The following VLDLR variants were observed in gnomAD, a reference collection of about 807,000 sequenced individuals.
The protein encoded by VLDLR is very low density lipoprotein receptor, also known as very low-density lipoprotein receptor.
A neutral mutation model predicts 112.7 loss-of-function variants in VLDLR; 81 were observed. That is an observed-to-expected ratio of 0.72 (90% confidence interval 0.60 to 0.86). The LOEUF (loss-of-function observed/expected upper bound fraction) is 0.86, where lower values mean the gene tolerates loss of function less well. Among genes scored for constraint, VLDLR ranks in the 40% least tolerant of loss-of-function variants. The pLI is 0.00. For synonymous variants in VLDLR, 436 were observed against 384.8 expected, an observed-to-expected ratio of 1.13 and a Z score of -1.56; for missense variants, 1,237 against 1,099.4, an observed-to-expected ratio of 1.13 and a Z score of -1.77.
intron 1 of VLDLR, among the ~76,000 whole-genome samples, chr9:2,625,791 C>T (rs1201078762): frequency 2.0e-5 from 3 of 152,104 alleles, no homozygotes; most frequent in Non-Finnish European, 4.4e-5. Flanking sequence ...AGGTTATGGG[C>T]GAGATATACT....
chr9:2,643,422 C>T lies in VLDLR; in HGVS notation c.711C>T (p.Thr237=), dbSNP rs781637501. Residue 237 remains threonine, a synonymous_variant, in exon 5 of 19, where the codon ACC becomes ACT. Coordinates refer to ENST00000382100, the MANE Select transcript of VLDLR (RefSeq NM_003383.5). The part of the protein sequence containing the change: ...EQCGRQPVIH[T]KCPASEIQCG... ...GTGGCCGTCAGCCAGTCATACACAC[C>T]AAGTGTCCAGCCAGCGAAATCCAGT... 8 of 1,614,034 alleles carry T rather than the reference C, an allele frequency of 5.0e-6. No homozygotes were observed. In the African/African-American group the frequency reaches 5.3e-5, roughly 11 times the overall value.
Position 2,640,728 on chromosome 9 carries a change from A to G in VLDLR, c.326-649A>G, listed in dbSNP as rs181068916. Among the ~76,000 whole-genome samples, 107 of 152,314 alleles carry G rather than the reference A, an allele frequency of 7.0e-4. 2 individuals are homozygous for G. The East Asian group carries it at 0.019, about 26-fold the overall frequency. ...AAAGTGTGATTATGAAAGAAAATCA[A>G]ATAGAAAGGAAGATAAGGCTGTTAC... On this transcript the variant is annotated intron_variant, in intron 3 of 18. Coordinates refer to ENST00000382100, the MANE Select transcript of VLDLR (RefSeq NM_003383.5).
chr9:2,648,538 T>G, intron 13 of VLDLR, 131 bp from the exon 14 acceptor site: 1 of 1,535,410 alleles, frequency 6.5e-7, no homozygotes, highest in Non-Finnish European at 9.0e-7. Flanking sequence ...TCTTTTACAG[T>G]TTTATATCCA....
In VLDLR at chr9:2,654,013, T is replaced by G; in HGVS notation, c.*145T>G. ...CTTTGCGTGGATCAAGCTTGTGTAC[T>G]TGACCGTTTTTATATTACTTTTGTA... On this transcript the variant is annotated 3_prime_UTR_variant, in exon 19 of 19. Coordinates refer to ENST00000382100, the MANE Select transcript of VLDLR (RefSeq NM_003383.5). The G allele has an allele frequency of 1.3e-6, 1 of 763,382 alleles. No individual in the cohort carries two copies. The highest frequency in any genetic ancestry group is 1.6e-5 in the South Asian group (1 of 63,588). The allele number at this position is 763,382 out of a possible 1,614,324, so 47.3% of individuals were successfully genotyped here.
chr9:2,632,912 A>C (rs993275851), intron 1 of VLDLR, among the ~76,000 whole-genome samples: 2 of 152,178 alleles, frequency 1.3e-5, no homozygotes, highest in Non-Finnish European at 2.9e-5. Context: ...GCCTGTCTTT[A>C]AAGAGTCCTT....
chr9:2,650,452 T>C lies in VLDLR; in HGVS notation c.2187T>C (p.Ser729=), dbSNP rs778071678. 6.2e-7 allele frequency: 1 copy of C among 1,614,096 alleles called. No individual in the cohort carries two copies. Among genetic ancestry groups the C allele is most frequent in the Non-Finnish European group, 8.5e-7 (1 of 1,180,028 alleles). ...CAGCACCACAGATTAATGATCACTC[T>C]CCAAAATATACCTGTTCCTGTCCCA... The part of the protein sequence containing the change: ...CLPAPQINDH[S]PKYTCSCPSG... The change falls in exon 15 of 19, where the codon TCT becomes TCC. Residue 729 remains serine (S), a synonymous_variant. Transcript: ENST00000382100.
In VLDLR at chr9:2,622,229, G is replaced by C. The variant is rs1261270738; in HGVS notation, c.40G>C (p.Ala14Pro). The change falls in exon 1 of 19, where the codon GCG (alanine) becomes CCG (proline). Residue 14 changes from alanine to proline, a missense_variant. Ala to Pro is a conservative substitution (Grantham distance 27, BLOSUM62 -1). Coordinates refer to ENST00000382100, the MANE Select transcript of VLDLR (RefSeq NM_003383.5). ...GCTCTGGGCGCTCTGGCTGCTGCTC[G>C]CGCTGTGCTGGGCGCCCCGGGAGAG... ...SALWALWLLL[A>P]LCWAPRESGA... 6.6e-7 allele frequency: 1 copy of C among 1,506,294 alleles called. No homozygotes were observed. Among genetic ancestry groups the C allele is most frequent in the Non-Finnish European group, 8.8e-7 (1 of 1,134,418 alleles). The allele number at this position is 1,506,294 out of a possible 1,614,324, so 93.3% of individuals were successfully genotyped here. A position where few individuals can be genotyped will look rare whatever the true frequency, so the allele number is the denominator to read the frequency against.
In VLDLR at chr9:2,624,839, C is replaced by G. The variant is rs529270497; in HGVS notation, c.82+2568C>G. Among the ~76,000 whole-genome samples the G allele has an allele frequency of 2.0e-5, 3 of 152,328 alleles. No homozygotes were observed. In the East Asian group the frequency reaches 5.8e-4, roughly 29 times the overall value. ...GACTGCGTAAAGGAAGGTCACCAGC[C>G]AAGCCCTCCTTGGCAGTAACAGCTT... is the stretch of plus-strand genomic sequence containing the variant. On this transcript the variant is annotated intron_variant, in intron 1 of 18. Coordinates refer to ENST00000382100, the MANE Select transcript of VLDLR (RefSeq NM_003383.5).
intron 1 of VLDLR, among the ~76,000 whole-genome samples, chr9:2,627,661 G>A (rs770083396): frequency 6.6e-6 from 1 of 152,000 alleles, no homozygotes; most frequent in East Asian, 1.9e-4. Flanking sequence ...TCAGGAGTTC[G>A]AGACCAGCCT....
chr9:2,644,516 A>G (rs1817982059), intron 7 of VLDLR, among the ~76,000 whole-genome samples: 2 of 151,940 alleles, frequency 1.3e-5, no homozygotes, highest in Admixed American at 1.3e-4. Flanking sequence ...GATCATCAAT[A>G]GAGAAACTTG....
rs751621629 is a variant in VLDLR at position 2,659,237 on chromosome 9, C to T, written c.*5369C>T. The T allele has an allele frequency of 9.9e-5, 15 of 152,230 alleles. No homozygotes were observed. The highest frequency in any genetic ancestry group is 4.6e-4 in the Admixed American group (7 of 15,288). The allele number at this position is 152,230 out of a possible 1,614,324, so 9.4% of individuals were successfully genotyped here. ...TATGGTTCCAAATCCTATGTGCTTA[C>T]TGCCGTCTTCTCTTAGAAGGGGATG... On this transcript the variant is annotated 3_prime_UTR_variant, in exon 19 of 19. Coordinates refer to ENST00000382100, the MANE Select transcript of VLDLR (RefSeq NM_003383.5).
chr9:2,633,991 G>T (rs1431724561), intron 1 of VLDLR, among the ~76,000 whole-genome samples: 1 of 152,096 alleles, frequency 6.6e-6, no homozygotes, highest in African/African-American at 2.4e-5. Flanking sequence ...AATAAAACGT[G>T]AAGAATGAAA....
Position 2,651,333 on chromosome 9 carries a change from C to CT in VLDLR, c.2252-78dup. 3 of 1,236,514 alleles carry CT rather than the reference C, an allele frequency of 2.4e-6. No individual in the cohort carries two copies. The South Asian group carries it at 3.8e-5, about 16-fold the overall frequency. The allele number at this position is 1,236,514 out of a possible 1,614,324, so 76.6% of individuals were successfully genotyped here. ...CTATTTTACCTGGTTTTAAAATAACCTTTTACATGGCTTGTCTGGACAAAA... is the reference window on the plus strand; with the variant it reads ...CTATTTTACCTGGTTTTAAAATAACCTTTTTACATGGCTTGTCTGGACAAAA... On this transcript the variant is annotated intron_variant, in intron 15 of 18. Coordinates refer to ENST00000382100, the MANE Select transcript of VLDLR (RefSeq NM_003383.5).
intron 7 of VLDLR, among the ~76,000 whole-genome samples, chr9:2,644,227 C>T (rs1295986074): frequency 2.5e-4 from 34 of 138,044 alleles, no homozygotes; most frequent in African/African-American, 6.8e-4. Context: ...GATGCAATCT[C>T]GGCTCACTGC....
intron 1 of VLDLR, 31 bp downstream of exon 1, chr9:2,622,302 G>A (rs1400720785): frequency 6.9e-7 from 1 of 1,443,146 alleles, no homozygotes; most frequent in Non-Finnish European, 9.1e-7. Context: ...CCGCCGGCGG[G>A]CGGGACCCAG....
intron 12 of VLDLR, 108 bp downstream of exon 12, chr9:2,647,700 A>G (rs1818137557): frequency 2.0e-6 from 2 of 991,464 alleles, no homozygotes; most frequent in Non-Finnish European, 3.2e-6. Context: ...GCTTCCGCCT[A>G]AATTCTAGCA....
intron 1 of VLDLR, among the ~76,000 whole-genome samples, chr9:2,627,345 C>A (rs1168445184): frequency 3.3e-5 from 5 of 152,148 alleles, no homozygotes; most frequent in African/African-American, 7.2e-5. Context: ...AGTGATATGA[C>A]TAAAGCAACA....
intron 18 of VLDLR, 128 bp from the exon 19 acceptor site, chr9:2,653,705 G>C (rs748205398): frequency 1.8e-4 from 169 of 928,516 alleles, no homozygotes; most frequent in Middle Eastern, 1.1e-3. Flanking sequence ...TTTTGTATCT[G>C]ACTGACTTTT....
chr9:2,644,761 G>A lies in VLDLR; in HGVS notation c.1094G>A (p.Gly365Asp). 6.2e-7 allele frequency: 1 copy of A among 1,614,118 alleles called. No homozygotes were observed. Among genetic ancestry groups the A allele is most frequent in the Non-Finnish European group, 8.5e-7 (1 of 1,180,024 alleles). ...ATAAACGAATGCTTGGTAAATAATG[G>A]TGGATGTTCTCATATCTGCAAAGAC... ...CHINECLVNNGGCSHICKDLV... is the reference protein window; with the variant it reads ...CHINECLVNNDGCSHICKDLV... The change falls in exon 8 of 19, where the codon GGT (glycine) becomes GAT (aspartate). Residue 365 changes from glycine to aspartate, a missense_variant. Transcript: ENST00000382100.
Sources: allele counts gnomAD v4.1 joint callset (sites outside exome capture counted in the v4.1 genomes callset), GRCh38; gene constraint gnomAD v4.1.1; transcripts MANE v1.5; gene names NCBI Gene and HGNC (gene_info 2026-07-23, HGNC 2026-07-21).